Variants in VAV2 observed in about 807,000 individuals in gnomAD.
VAV2 encodes the protein guanine nucleotide exchange factor VAV2.
Under a neutral mutation model 132.5 loss-of-function variants are expected in VAV2, and 67 were observed. The observed-to-expected ratio is 0.51, with a 90% CI of 0.42 to 0.62. The LOEUF is 0.62. VAV2 is among the 20% of genes least tolerant of loss of function. The probability of loss-of-function intolerance (pLI) is 0.00; values close to 1 mark genes in which losing one functional copy is unlikely to be tolerated. For missense variants in VAV2, 938 were observed against 1,153.6 expected, an observed-to-expected ratio of 0.81 and a Z score of 2.71; for synonymous variants, 492 against 443.5, an observed-to-expected ratio of 1.11 and a Z score of -1.37.
chr9:133,855,108 T>C (rs1837334921), intron 3 of VAV2, among the ~76,000 whole-genome samples: 1 of 152,272 alleles, frequency 6.6e-6, no homozygotes, highest in East Asian at 1.9e-4. Flanking sequence ...GGGGATGCTG[T>C]GCCCAAGAGA....
chr9:133,894,328 A>G (rs1451484588), intron 2 of VAV2, among the ~76,000 whole-genome samples: 1 of 152,214 alleles, frequency 6.6e-6, no homozygotes. Context: ...CAACTGACCC[A>G]AGAAGGAGAC....
intron 2 of VAV2, among the ~76,000 whole-genome samples, chr9:133,931,857 G>A (rs1229252813): frequency 3.3e-5 from 5 of 152,194 alleles, no homozygotes; most frequent in South Asian, 2.1e-4. Flanking sequence ...GGAGGACAGC[G>A]AGGGTTTGAG....
chr9:133,832,856 T>G (rs1460062757), intron 4 of VAV2, among the ~76,000 whole-genome samples: 1 of 151,956 alleles, frequency 6.6e-6, no homozygotes, highest in African/African-American at 2.4e-5. Flanking sequence ...GCAGTTTTTT[T>G]TTGAATTTTT....
Position 133,788,917 on chromosome 9 carries a change from G to C in VAV2, c.1274+341C>G, listed in dbSNP as rs1245768250. 6.6e-6 allele frequency among the ~76,000 whole-genome samples: 1 copy of C among 152,218 alleles called. No individual in the cohort carries two copies. Among genetic ancestry groups the C allele is most frequent in the Non-Finnish European group, 1.5e-5 (1 of 68,038 alleles). ...ACAAGCCTGGGCCACCGTGCGCCTG[G>C]ACACTCTCCGGCAGTCATTTGGCAA... On this transcript the variant is annotated intron_variant, in intron 14 of 29. Transcript: ENST00000371850. This position sits in a 1 kb window ranked among gnomAD's most constrained non-coding sequence, Gnocchi z 5.3.
rs188913935 is a variant in VAV2 at position 133,785,481 on chromosome 9, G to A, written c.1532+295C>T. Among the ~76,000 whole-genome samples the A allele has an allele frequency of 2.5e-3, 379 of 152,326 alleles. 1 individual carries two copies. Among genetic ancestry groups the A allele is most frequent in the African/African-American group, 8.5e-3 (352 of 41,568 alleles). On this transcript the variant is annotated intron_variant, in intron 17 of 29. Coordinates refer to ENST00000371850, the MANE Select transcript of VAV2 (RefSeq NM_001134398.2). ...CCGGTCACTGCTCTGTGGGCCGGGC[G>A]TGCCAGGCTCAGCCTCAAGGGTGGG...
At position 133,802,291 on chromosome 9, in the gene VAV2, T is replaced by C. The variant is rs972041533; in HGVS notation, c.836+3790A>G. Among the ~76,000 whole-genome samples the C allele has an allele frequency of 1.1e-4, 16 of 144,918 alleles. No homozygotes were observed. Among genetic ancestry groups the C allele is most frequent in the Non-Finnish European group, 1.6e-4 (11 of 66,744 alleles). The stretch of plus-strand genomic sequence containing the variant: ...ACACATGTATGCACACACACACACA[T>C]GCATGTGCACACAAACACACAAGCA... On this transcript the variant is annotated intron_variant, in intron 9 of 29. Coordinates refer to ENST00000371850, the MANE Select transcript of VAV2 (RefSeq NM_001134398.2). The surrounding 1 kb of genome is among the most constrained non-coding windows in gnomAD (Gnocchi z 5.8).
intron 2 of VAV2, among the ~76,000 whole-genome samples, chr9:133,917,325 C>G (rs758927647): frequency 1.3e-5 from 2 of 152,078 alleles, no homozygotes; most frequent in Non-Finnish European, 2.9e-5. Context: ...CCTACGCCGA[C>G]AGGGACAAAC....
intron 4 of VAV2, among the ~76,000 whole-genome samples, chr9:133,816,323 C>A (rs1439527495): frequency 6.6e-6 from 1 of 152,176 alleles, no homozygotes; most frequent in Non-Finnish European, 1.5e-5. Flanking sequence ...TTTAATAAAG[C>A]CTAATTTATC....
At chr9:133,914,732 G>A (rs1840002531) in intron 2 of VAV2, among the ~76,000 whole-genome samples, 3 of 8,296 alleles carry the variant, frequency 3.6e-4, no homozygotes, top group Admixed American at 1.2e-3. Context: ...ACGGGAGGGG[G>A]AGGAGAGGGA....
intron 16 of VAV2, among the ~76,000 whole-genome samples, chr9:133,786,642 A>G (rs1306611499): frequency 6.6e-6 from 1 of 152,250 alleles, no homozygotes; most frequent in Admixed American, 6.5e-5. Flanking sequence ...GGGAACAGCC[A>G]TGGGCCTGGG....
intron 3 of VAV2, among the ~76,000 whole-genome samples, chr9:133,855,567 G>A (rs370422582): frequency 5.3e-5 from 8 of 152,162 alleles, no homozygotes; most frequent in East Asian, 1.9e-4. Context: ...GAGGGCACCC[G>A]GCCTCTCCCT....
Position 133,762,657 on chromosome 9 carries a change from CT to C in VAV2, c.*1404del, listed in dbSNP as rs1237741126. ...CTTTGTCGAGGGCCCCTCTCTCCCC[CT>C]GCCGCTCCCCATCCCCATGACTCCT... On this transcript the variant is annotated 3_prime_UTR_variant, in exon 30 of 30. Coordinates refer to ENST00000371850, the MANE Select transcript of VAV2 (RefSeq NM_001134398.2). The surrounding 1 kb of genome is among the most constrained non-coding windows in gnomAD (Gnocchi z 5.0). 5 of 153,044 alleles carry C rather than the reference CT, an allele frequency of 3.3e-5. No individual in the cohort carries two copies. Among genetic ancestry groups the C allele is most frequent in the African/African-American group, 1.2e-4 (5 of 41,580 alleles). The allele number at this position is 153,044 out of a possible 1,614,324, so 9.5% of individuals were successfully genotyped here.
intron 1 of VAV2, among the ~76,000 whole-genome samples, chr9:133,964,337 TAC>T (rs571450287): frequency 6.6e-6 from 1 of 150,906 alleles, no homozygotes; most frequent in African/African-American, 2.4e-5. Context: ...CATATGTATA[TAC>T]ACACACACAC....
chr9:133,887,859 G>C (rs902039616), intron 2 of VAV2, among the ~76,000 whole-genome samples: 2 of 151,668 alleles, frequency 1.3e-5, no homozygotes, highest in Non-Finnish European at 2.9e-5. Flanking sequence ...GCTCCTGCGT[G>C]GCCAGCCTCC....
At chr9:133,922,584 G>T (rs890194306) in intron 2 of VAV2, among the ~76,000 whole-genome samples, 2 of 152,166 alleles carry the variant, frequency 1.3e-5, no homozygotes, top group African/African-American at 4.8e-5. Flanking sequence ...AGATTCCAAG[G>T]CCATTCAGTG....
At chr9:133,865,240 G>A (rs867601444) in intron 2 of VAV2, among the ~76,000 whole-genome samples, 30 of 152,306 alleles carry the variant, frequency 2.0e-4, no homozygotes, top group Middle Eastern at 3.4e-3. Context: ...AAAAGGAAAC[G>A]TAGACTGCGG....
chr9:133,774,799 T>C, intron 25 of VAV2, 136 bp downstream of exon 25: 1 of 799,508 alleles, frequency 1.3e-6, no homozygotes, highest in Non-Finnish European at 2.0e-6. Context: ...CGCTTTCATC[T>C]CAATAATGTC....
chr9:133,954,078 G>A (rs182232013), intron 1 of VAV2, among the ~76,000 whole-genome samples: 9 of 152,248 alleles, frequency 5.9e-5, no homozygotes, highest in South Asian at 4.1e-4. Context: ...CCTTCTCAAC[G>A]TGCAACAAAC....
chr9:133,874,526 G>A (rs974884383), intron 2 of VAV2, among the ~76,000 whole-genome samples: 10 of 152,170 alleles, frequency 6.6e-5, no homozygotes, highest in Non-Finnish European at 2.9e-5. Flanking sequence ...CCTAGCGCGT[G>A]AGTCACTGCC....
Sources: gnomAD v4.1 joint callset for allele counts (sites outside exome capture counted in the v4.1 genomes callset) on GRCh38, gnomAD v4.1.1 for gene constraint, Gnocchi (gnomAD v3.1) non-coding constraint, MANE v1.5 for transcripts, NCBI Gene and HGNC (gene_info 2026-07-23, HGNC 2026-07-21) for gene names.